IFT43: variants seen among roughly 807,000 people sequenced by gnomAD.
The protein encoded by IFT43 is intraflagellar transport protein 43 homolog.
IFT43 carries 33 observed loss-of-function variants against 32.3 expected under a neutral mutation model. The observed-to-expected ratio is 1.02, with a 90% CI of 0.77 to 1.37. IFT43 has a LOEUF of 1.37. Ranked by LOEUF, IFT43 falls within the 40% of genes most tolerant of loss-of-function variation. IFT43 has a pLI of 0.00. For synonymous variants in IFT43, 93 were observed against 98.2 expected, an observed-to-expected ratio of 0.95 and a Z score of 0.31; for missense variants, 274 against 265.9, an observed-to-expected ratio of 1.03 and a Z score of -0.21.
intron 3 of IFT43, among the ~76,000 whole-genome samples, chr14:76,055,592 A>T (rs939496708): frequency 1.3e-5 from 2 of 152,200 alleles, no homozygotes; most frequent in Non-Finnish European, 2.9e-5. Flanking sequence ...TTTAAAAAAC[A>T]TCGTGCTAGA....
intron 5 of IFT43, among the ~76,000 whole-genome samples, chr14:76,063,357 A>G (rs988181262): frequency 6.6e-6 from 1 of 152,230 alleles, no homozygotes; most frequent in Admixed American, 6.5e-5. Flanking sequence ...CTTAGTATCC[A>G]GTCGGTCTGG....
intron 3 of IFT43, among the ~76,000 whole-genome samples, chr14:76,038,742 G>A (rs915722781): frequency 1.3e-5 from 2 of 152,220 alleles, no homozygotes; most frequent in South Asian, 2.1e-4. Context: ...GTAGGGAAAA[G>A]TGTGAGATGT....
At chr14:76,053,625 C>T (rs1030845428) in intron 3 of IFT43, among the ~76,000 whole-genome samples, 9 of 152,192 alleles carry the variant, frequency 5.9e-5, no homozygotes. Context: ...CTCCCTCACC[C>T]TGCTCCACGA....
intron 2 of IFT43, among the ~76,000 whole-genome samples, chr14:76,006,450 G>A (rs937986595): frequency 3.9e-5 from 6 of 152,184 alleles, no homozygotes; most frequent in African/African-American, 1.4e-4. Flanking sequence ...AAGAACCTGA[G>A]AAATTAACCT....
At chr14:76,007,412 C>T (rs1373020891) in intron 2 of IFT43, among the ~76,000 whole-genome samples, 1 of 152,106 alleles carries the variant, frequency 6.6e-6, no homozygotes, top group Non-Finnish European at 1.5e-5. Context: ...ATGCTTCTCT[C>T]ACTTCTTTTC....
chr14:76,076,588 C>A lies in IFT43; in HGVS notation c.296-5707C>A. 1 of 1,614,088 alleles carries A rather than the reference C, an allele frequency of 6.2e-7. No homozygotes were observed. Among genetic ancestry groups the A allele is most frequent in the Middle Eastern group, 1.6e-4 (1 of 6,062 alleles). ...TGAGTCCAATCTAAGAAGTCACTTT[C>A]TGTTCTAGCGGTACCCAAACAGGCA... On this transcript the variant is annotated intron_variant, in intron 5 of 8. Transcript: ENST00000314067.
intron 2 of IFT43, among the ~76,000 whole-genome samples, chr14:76,019,176 C>T (rs928941448): frequency 6.6e-6 from 1 of 151,870 alleles, no homozygotes; most frequent in African/African-American, 2.4e-5. Context: ...TGTATCTGTT[C>T]TACTAGTGAG....
At chr14:76,059,667 C>T (rs2037092849) in intron 5 of IFT43, 3 of 442,818 alleles carry the variant, frequency 6.8e-6, no homozygotes, top group East Asian at 9.5e-5. Flanking sequence ...GATGTTCTTT[C>T]TCCATGCTCC....
At chr14:76,053,436 A>T (rs1036127897) in intron 3 of IFT43, among the ~76,000 whole-genome samples, 2 of 152,118 alleles carry the variant, frequency 1.3e-5, no homozygotes, top group African/African-American at 4.8e-5. Flanking sequence ...GTGAGTGTGG[A>T]GCTGAGGTAC....
intron 3 of IFT43, among the ~76,000 whole-genome samples, chr14:76,025,258 A>C (rs1180258502): frequency 6.6e-6 from 1 of 152,102 alleles, no homozygotes; most frequent in East Asian, 1.9e-4. Flanking sequence ...ACTACAAAAC[A>C]CTTTTCAAAG....
At chr14:76,019,762 CTT>C (rs895249155) in intron 2 of IFT43, among the ~76,000 whole-genome samples, 1 of 151,818 alleles carries the variant, frequency 6.6e-6, no homozygotes, top group Non-Finnish European at 1.5e-5. Context: ...ATTCTTTTTT[CTT>C]TTTTGTCTGA....
intron 5 of IFT43, among the ~76,000 whole-genome samples, chr14:76,063,290 A>G (rs898002158): frequency 6.6e-6 from 1 of 152,208 alleles, no homozygotes; most frequent in African/African-American, 2.4e-5. Flanking sequence ...CTCTAAGTCA[A>G]GGAGGTTGTG....
In IFT43 at chr14:76,032,273, T is replaced by C. The variant is rs189813406; in HGVS notation, c.215+9879T>C. 2.6e-5 allele frequency among the ~76,000 whole-genome samples: 4 copies of C among 152,320 alleles called. No individual in the cohort carries two copies. In the East Asian group the frequency reaches 7.7e-4, roughly 29 times the overall value. On this transcript the variant is annotated intron_variant, in intron 3 of 8. Coordinates refer to ENST00000314067, the MANE Select transcript of IFT43 (RefSeq NM_001102564.3). ...CAGCACCTGGCTGCAGCCACCATCA[T>C]TTCTTGCACTGGCTCAAGTGAGAAC...
chr14:76,022,997 T>C (rs1268352053), intron 3 of IFT43, among the ~76,000 whole-genome samples: 1 of 152,208 alleles, frequency 6.6e-6, no homozygotes, highest in Non-Finnish European at 1.5e-5. Flanking sequence ...CTGGCATGAA[T>C]ATTTATACCA....
At chr14:76,023,770 T>C (rs1338255003) in intron 3 of IFT43, among the ~76,000 whole-genome samples, 15 of 152,212 alleles carry the variant, frequency 9.9e-5, no homozygotes, top group Admixed American at 9.8e-4. Flanking sequence ...TAATTCCAGA[T>C]CAAGAAAAGC....
chr14:76,016,951 A>G (rs542976825), intron 2 of IFT43, among the ~76,000 whole-genome samples: 30 of 152,126 alleles, frequency 2.0e-4, no homozygotes, highest in African/African-American at 6.3e-4. Context: ...TTTTGATGCA[A>G]TCTTTAGGTT....
chr14:76,071,146 G>A (rs1325103731), intron 5 of IFT43, among the ~76,000 whole-genome samples: 1 of 152,182 alleles, frequency 6.6e-6, no homozygotes, highest in African/African-American at 2.4e-5. Flanking sequence ...CGGGGGCCGG[G>A]TGAGGTGGAT....
chr14:76,004,532 T>A (rs901179389), intron 2 of IFT43, among the ~76,000 whole-genome samples: 1 of 152,174 alleles, frequency 6.6e-6, no homozygotes. Context: ...TGTTTAGGAT[T>A]TGCTAAGGTT....
chr14:76,072,022 A>G (rs139040119), intron 5 of IFT43, among the ~76,000 whole-genome samples: 1,608 of 152,226 alleles, frequency 0.011, 18 homozygotes, highest in Admixed American at 0.018. Context: ...CTTCTTGGCC[A>G]TGTCCTCAGT....
Sources: gnomAD v4.1 joint callset for allele counts (sites outside exome capture counted in the v4.1 genomes callset) on GRCh38, gnomAD v4.1.1 for gene constraint, MANE v1.5 for transcripts, NCBI Gene and HGNC (gene_info 2026-07-23, HGNC 2026-07-21) for gene names.